PFKFB1: variants seen among roughly 807,000 people sequenced by gnomAD.
PFKFB1 encodes 6-phosphofructo-2-kinase/fructose-2,6-bisphosphatase 1.
Under a neutral mutation model 46.4 loss-of-function variants are expected in PFKFB1, and 34 were observed. That is an observed-to-expected ratio of 0.73 (90% CI 0.56 to 0.98). The LOEUF (loss-of-function observed/expected upper bound fraction) is 0.98, where lower values mean the gene tolerates loss of function less well. Among genes scored for constraint, PFKFB1 ranks in the 50% least tolerant of loss-of-function variants. The pLI, the probability that PFKFB1 is intolerant of heterozygous loss-of-function variation, is 0.00. For missense variants in PFKFB1, 393 were observed against 376.3 expected (o/e 1.04, Z -0.37); for synonymous variants, 119 against 133.8 (o/e 0.89, Z 0.76).
upstream of PFKFB1, chrX:54,998,679 G>A: frequency 2.7e-6 from 1 of 372,628 alleles, no homozygotes; most frequent in South Asian, 6.0e-5. Flanking sequence ...TGCCCCAAAG[G>A]TCAGAACTAA....
At chrX:54,978,491 G>A (rs1934893334) in intron 1 of PFKFB1, among the ~76,000 whole-genome samples, 1 of 111,522 alleles carries the variant, frequency 9.0e-6, no homozygotes, top group African/African-American at 3.2e-5. Context: ...CTGAAGAGTT[G>A]CATAGGCTCA....
rs1933274373 is a variant in PFKFB1, at chrX:54,933,180, A to G, written c.*223T>C. The stretch of plus-strand genomic sequence containing the variant: ...CTCCTCTTGTAGGCAGTAAGTCTTT[A>G]TTCGTCAGAGAATAGGAATTAAGAA... On this transcript the variant is annotated 3_prime_UTR_variant, in exon 14 of 14. Transcript: ENST00000375006. 7.1e-6 allele frequency: 3 copies of G among 422,340 alleles called. No individual in the cohort carries two copies. The highest frequency in any genetic ancestry group is 7.3e-5 in the South Asian group (2 of 27,241). The allele number at this position is 422,340 out of a possible 1,213,427, so 34.8% of individuals were successfully genotyped here. A position where few individuals can be genotyped will look rare whatever the true frequency, so the allele number is the denominator to read the frequency against.
chrX:54,935,234 G>A (rs1400906810), intron 11 of PFKFB1, among the ~76,000 whole-genome samples: 1 of 112,124 alleles, frequency 8.9e-6, no homozygotes, highest in East Asian at 2.8e-4. Context: ...GTGGTAGACT[G>A]GACTGGGTGT....
intron 11 of PFKFB1, 105 bp downstream of exon 11, chrX:54,937,490 G>C (rs980434595): frequency 1.3e-6 from 1 of 743,754 alleles, no homozygotes; most frequent in Non-Finnish European, 1.9e-6. Context: ...AGGCATCCTT[G>C]TTCTAGATAC....
chrX:54,989,846 T>A (rs548458582), intron 1 of PFKFB1, among the ~76,000 whole-genome samples: 4 of 112,015 alleles, frequency 3.6e-5, no homozygotes, highest in African/African-American at 1.3e-4. Flanking sequence ...AATCCTTTAG[T>A]TGCTAGATGA....
At chrX:54,949,264 G>A (rs1933894298) in intron 8 of PFKFB1, 43 bp from the exon 9 acceptor site, 5 of 1,094,829 alleles carry the variant, frequency 4.6e-6, no homozygotes, top group Non-Finnish European at 6.1e-6. Context: ...GGGAAAAGGA[G>A]AGGTGAGAGA....
chrX:54,988,245 G>A (rs1287479539), intron 1 of PFKFB1, among the ~76,000 whole-genome samples: 3 of 111,307 alleles, frequency 2.7e-5, no homozygotes, highest in Non-Finnish European at 5.7e-5. Context: ...ATTTACAATA[G>A]CATCAAAACA....
chrX:54,994,196 G>C, upstream of PFKFB1: 3 of 1,055,582 alleles, frequency 2.8e-6, no homozygotes, highest in Non-Finnish European at 3.6e-6. Flanking sequence ...TCTGGTCCTA[G>C]CCTGCCTCTG....
chrX:54,953,056 T>G (rs745919267), intron 7 of PFKFB1, among the ~76,000 whole-genome samples: 25 of 111,222 alleles, frequency 2.2e-4, no homozygotes, highest in Non-Finnish European at 3.8e-5. Context: ...AAGGGTGGAG[T>G]ATAGGCACTG....
intron 1 of PFKFB1, among the ~76,000 whole-genome samples, chrX:54,980,314 A>AAC (rs1303212605): frequency 7.4e-5 from 8 of 108,626 alleles, no homozygotes; most frequent in African/African-American, 2.8e-4. Context: ...TTTTTGATTT[A>AAC]ACATACACAC....
intron 1 of PFKFB1, among the ~76,000 whole-genome samples, chrX:54,974,174 A>T (rs1265489662): frequency 8.9e-6 from 1 of 111,840 alleles, no homozygotes; most frequent in Non-Finnish European, 1.9e-5. Flanking sequence ...TTTGCAAAAT[A>T]AAAACAATGT....
At chrX:54,969,367 C>T (rs1330481956) in intron 1 of PFKFB1, among the ~76,000 whole-genome samples, 1 of 111,805 alleles carries the variant, frequency 8.9e-6, no homozygotes, top group Non-Finnish European at 1.9e-5. Context: ...TAAGCACACT[C>T]TCTCTTGCCC....
chrX:54,980,176 C>G (rs919266159), intron 1 of PFKFB1, among the ~76,000 whole-genome samples: 1 of 111,474 alleles, frequency 9.0e-6, no homozygotes. Context: ...CCCAGCTGAG[C>G]TGTGCACTGA....
intron 10 of PFKFB1, among the ~76,000 whole-genome samples, chrX:54,941,885 A>C (rs984781250): frequency 8.9e-6 from 1 of 112,042 alleles, no homozygotes; most frequent in Non-Finnish European, 1.9e-5. Context: ...CAGCTATCCC[A>C]TTACTGGGTA....
At chrX:54,984,871 G>A (rs1005669570) in intron 1 of PFKFB1, among the ~76,000 whole-genome samples, 4 of 110,590 alleles carry the variant, frequency 3.6e-5, no homozygotes, top group Non-Finnish European at 7.6e-5. Flanking sequence ...CTATATACCA[G>A]GTGCAATAGG....
At chrX:54,953,793 C>G (rs776047992) in intron 7 of PFKFB1, among the ~76,000 whole-genome samples, 4 of 111,923 alleles carry the variant, frequency 3.6e-5, no homozygotes, top group Non-Finnish European at 7.5e-5. Flanking sequence ...ATGCCCATAC[C>G]CATATCTTCT....
At chrX:54,972,752 G>A (rs1164281961) in intron 1 of PFKFB1, among the ~76,000 whole-genome samples, 1 of 111,548 alleles carries the variant, frequency 9.0e-6, no homozygotes, top group African/African-American at 3.3e-5. Flanking sequence ...GTATTTTATT[G>A]AGGATTTTTG....
At chrX:54,972,551 C>G (rs190982165) in intron 1 of PFKFB1, among the ~76,000 whole-genome samples, 1 of 111,298 alleles carries the variant, frequency 9.0e-6, no homozygotes. Flanking sequence ...GCATGAAGGG[C>G]TGTTGAATTT....
upstream of PFKFB1, among the ~76,000 whole-genome samples, chrX:54,997,917 G>A (rs1839870562): frequency 8.9e-6 from 1 of 112,307 alleles, no homozygotes; most frequent in South Asian, 3.7e-4. Flanking sequence ...AGGAAGTCCT[G>A]AAATGTCTCC....
Sources: allele counts gnomAD v4.1 joint callset (sites outside exome capture counted in the v4.1 genomes callset), GRCh38; gene constraint gnomAD v4.1.1; transcripts MANE v1.5; gene names NCBI Gene and HGNC (gene_info 2026-07-23, HGNC 2026-07-21).